The following SNED1 variants were observed in gnomAD, a reference collection of about 807,000 sequenced individuals.
The protein encoded by SNED1 is sushi, nidogen and EGF like domains 1, also known as sushi, nidogen and EGF-like domain-containing protein 1.
Under a neutral mutation model 166.7 loss-of-function variants are expected in SNED1, and 81 were observed. That is an observed-to-expected ratio of 0.49 (90% confidence interval 0.41 to 0.58). The LOEUF (loss-of-function observed/expected upper bound fraction) is 0.58, where lower values mean the gene tolerates loss of function less well. Ranked by LOEUF, SNED1 falls within the 20% of genes least tolerant of loss-of-function variation. The probability of loss-of-function intolerance (pLI) is 0.00; values close to 1 mark genes in which losing one functional copy is unlikely to be tolerated. For missense variants in SNED1, 1,604 were observed against 2,000.2 expected (o/e 0.80, Z 3.78); for synonymous variants, 762 against 822.0 (o/e 0.93, Z 1.25).
chr2:241,089,271 G>A, intron 31 of SNED1: 7 of 1,544,234 alleles, frequency 4.5e-6, no homozygotes, highest in Non-Finnish European at 6.1e-6. Flanking sequence ...GCCCCTTATA[G>A]GAGCCCTCAC....
At chr2:241,048,272 A>G in intron 8 of SNED1, 43 bp from the exon 9 acceptor site, 1 of 1,551,798 alleles carries the variant, frequency 6.4e-7, no homozygotes, top group Non-Finnish European at 8.7e-7. Context: ...CACTCTCCCC[A>G]CATTCCCTGC....
chr2:241,057,380 A>AAT (rs57902432), intron 16 of SNED1, among the ~76,000 whole-genome samples: 10,448 of 117,720 alleles, frequency 0.089, 492 homozygotes, highest in Non-Finnish European at 0.097. Context: ...TCCATCTCAA[A>AAT]ATATATATAT....
intron 6 of SNED1, among the ~76,000 whole-genome samples, chr2:241,038,658 T>C (rs2061440110): frequency 6.6e-6 from 1 of 152,248 alleles, no homozygotes; most frequent in South Asian, 2.1e-4. Context: ...CTGCCCTGCT[T>C]GCCCACGTGC....
At chr2:241,074,949 C>T (rs12694993) in intron 27 of SNED1, 84,007 of 151,938 alleles carry the variant, frequency 0.55, 25,112 homozygotes, top group African/African-American at 0.81. Context: ...GGGAGTGATT[C>T]TATGGTACAT....
chr2:241,081,715 G>A lies in SNED1; in HGVS notation c.3955G>A (p.Gly1319Arg), dbSNP rs2063337690. Residue 1319 changes from glycine to arginine, a missense_variant, in exon 28 of 32, where the codon GGA (glycine) becomes AGA (arginine). Gly to Arg is a moderately radical substitution (Grantham distance 125). Coordinates refer to ENST00000310397, the MANE Select transcript of SNED1 (RefSeq NM_001080437.3). ...GNCSENPCQN[G>R]GTCVPGADAH... ...CTGTTCAGAAAACCCCTGTCAGAAC[G>A]GAGGCACTTGTGTGCCGGGCGCAGA... 3 of 1,609,384 alleles carry A rather than the reference G, an allele frequency of 1.9e-6. No individual in the cohort carries two copies. Among genetic ancestry groups the A allele is most frequent in the African/African-American group, 1.3e-5 (1 of 74,844 alleles).
chr2:241,090,712 C>G (rs991196446), intron 31 of SNED1, among the ~76,000 whole-genome samples: 3 of 152,012 alleles, frequency 2.0e-5, no homozygotes, highest in African/African-American at 7.2e-5. Flanking sequence ...ACTAAAAATA[C>G]AAAAATTAGT....
intron 12 of SNED1, 99 bp downstream of exon 12, chr2:241,050,032 A>G (rs780668937): frequency 4.3e-5 from 38 of 879,640 alleles, no homozygotes; most frequent in Non-Finnish European, 7.0e-5. Context: ...TGTTTCGCGA[A>G]TTGCTGACCT....
At chr2:241,040,648 TG>T (rs2061497893) in intron 8 of SNED1, among the ~76,000 whole-genome samples, 3 of 152,072 alleles carry the variant, frequency 2.0e-5, no homozygotes, top group Non-Finnish European at 4.4e-5. Flanking sequence ...GCCTCCAGGG[TG>T]CTGTGTGAGG....
In SNED1 at chr2:241,068,030, A is replaced by G. The variant is rs532745325; in HGVS notation, c.3194+83A>G. 6.4e-4 allele frequency: 828 copies of G among 1,295,936 alleles called. 2 individuals carry two copies. The highest frequency in any genetic ancestry group is 1.0e-3 in the Admixed American group (49 of 48,082). The allele number at this position is 1,295,936 out of a possible 1,614,324, so 80.3% of individuals were successfully genotyped here. On this transcript the variant is annotated intron_variant, in intron 22 of 31. Coordinates refer to ENST00000310397, the MANE Select transcript of SNED1 (RefSeq NM_001080437.3). The surrounding 1 kb of genome is among the most constrained non-coding windows in gnomAD (Gnocchi z 5.3). ...GACACGGGGCCCAGGTCTCGGGCAC[A>G]TTCTCCGTGTGTGGACTGTACCACC... is the stretch of plus-strand genomic sequence containing the variant.
chr2:241,073,124 G>A lies in SNED1; in HGVS notation c.3818-142G>A. 1.6e-6 allele frequency: 1 copy of A among 630,916 alleles called. No individual in the cohort carries two copies. The highest frequency in any genetic ancestry group is 2.8e-6 in the Non-Finnish European group (1 of 360,170). 39.1% of individuals were successfully genotyped at this position (630,916 alleles called of 1,614,324 possible). On this transcript the variant is annotated intron_variant, in intron 26 of 31. Transcript: ENST00000310397. The surrounding 1 kb of genome is among the most constrained non-coding windows in gnomAD (Gnocchi z 6.6). ...GGGGAGGCAGCTCTGGGGCCGACAG[G>A]TGCTGGGGCCACGCAGGGAGCCTGG... is the stretch of plus-strand genomic sequence containing the variant.
intron 1 of SNED1, among the ~76,000 whole-genome samples, chr2:241,007,891 C>T (rs2060267371): frequency 6.6e-6 from 1 of 152,212 alleles, no homozygotes; most frequent in Admixed American, 6.5e-5. Flanking sequence ...GTCTGTCCTA[C>T]ACGGGCCTTC....
chr2:241,093,811 T>C lies in SNED1; in HGVS notation c.*2175T>C, dbSNP rs2064205897. Reference sequence around the variant, plus strand: ...TTCCCATGTGGCTTCTTTTAAAAACTCAAATGGCTTCCTTGAAAATACTCA... The same window carrying C: ...TTCCCATGTGGCTTCTTTTAAAAACCCAAATGGCTTCCTTGAAAATACTCA... On this transcript the variant is annotated 3_prime_UTR_variant, in exon 32 of 32. Transcript: ENST00000310397. 6.6e-6 allele frequency: 1 copy of C among 152,400 alleles called. No individual in the cohort carries two copies. Among genetic ancestry groups the C allele is most frequent in the Admixed American group, 6.5e-5 (1 of 15,304 alleles). The allele number at this position is 152,400 out of a possible 1,614,324, so 9.4% of individuals were successfully genotyped here.
chr2:241,079,607 C>T (rs2063231957), intron 27 of SNED1, among the ~76,000 whole-genome samples: 1 of 151,968 alleles, frequency 6.6e-6, no homozygotes, highest in Non-Finnish European at 1.5e-5. Flanking sequence ...CTGAATGAAC[C>T]TTGTTTTACA....
Position 241,050,828 on chromosome 2 carries a change from A to AGG in SNED1, c.1735+896_1735+897dup, listed in dbSNP as rs71674551. On this transcript the variant is annotated intron_variant, in intron 12 of 31. Transcript: ENST00000310397. ...AGTGGTATGAAGTCCACTGTACCCA[A>AGG]GGTGGGGGTCCTACCAGAGCCCACA... Among the ~76,000 whole-genome samples, 360 of 151,654 alleles carry AGG rather than the reference A, an allele frequency of 2.4e-3. 1 individual carries two copies. The highest frequency in any genetic ancestry group is 8.3e-3 in the African/African-American group (343 of 41,166).
At chr2:241,036,104 T>TGGGGGGG (rs2061360479) in intron 4 of SNED1, among the ~76,000 whole-genome samples, 1 of 2,728 alleles carries the variant, frequency 3.7e-4, no homozygotes, top group Non-Finnish European at 6.1e-4. Context: ...GGGTGGGGGT[T>TGGGGGGG]GGGGAGTAGA....
intron 5 of SNED1, 117 bp downstream of exon 5, chr2:241,037,032 C>G: frequency 7.5e-7 from 1 of 1,329,832 alleles, no homozygotes; most frequent in Non-Finnish European, 1.0e-6. Context: ...GTCTCTGTCC[C>G]CAGGGTGTGG....
rs1168589541 is a variant in SNED1, at chr2:241,068,646, T to A, written c.3195-265T>A. The stretch of plus-strand genomic sequence containing the variant: ...TCCCCCTTCTCTGGCCTCTCCCAGC[T>A]GAACACCGGCCCTCTGACCATACTG... On this transcript the variant is annotated intron_variant, in intron 22 of 31. Transcript: ENST00000310397. This position sits in a 1 kb window ranked among gnomAD's most constrained non-coding sequence, Gnocchi z 5.3. Among the ~76,000 whole-genome samples the A allele has an allele frequency of 6.6e-6, 1 of 152,016 alleles. No individual in the cohort carries two copies. Among genetic ancestry groups the A allele is most frequent in the Non-Finnish European group, 1.5e-5 (1 of 67,968 alleles).
intron 11 of SNED1, 131 bp from the exon 12 acceptor site, chr2:241,049,684 AGT>A: frequency 1.5e-6 from 1 of 649,742 alleles, no homozygotes; most frequent in Non-Finnish European, 2.8e-6. Context: ...ATGCCCACAG[AGT>A]GTATTTTCAG....
At chr2:241,023,605 A>G (rs1469931760) in intron 1 of SNED1, among the ~76,000 whole-genome samples, 1 of 152,196 alleles carries the variant, frequency 6.6e-6, no homozygotes, top group African/African-American at 2.4e-5. Flanking sequence ...GAGAAGATAC[A>G]TTGAGTATCC....
Sources: gnomAD v4.1 joint callset for allele counts (sites outside exome capture counted in the v4.1 genomes callset) on GRCh38, gnomAD v4.1.1 for gene constraint, Gnocchi (gnomAD v3.1) non-coding constraint, MANE v1.5 for transcripts, NCBI Gene and HGNC (gene_info 2026-07-23, HGNC 2026-07-21) for gene names.